Variants in HOMER2 observed in about 807,000 individuals in gnomAD.
The protein encoded by HOMER2 is homer scaffold protein 2.
In HOMER2, 27 loss-of-function variants were observed where a neutral mutation model predicts 47.0. The observed-to-expected ratio is 0.57, with a 90% CI of 0.42 to 0.79. The LOEUF (loss-of-function observed/expected upper bound fraction) is 0.79, where lower values mean the gene tolerates loss of function less well. Ranked by LOEUF, HOMER2 falls within the 30% of genes least tolerant of loss-of-function variation. The probability of loss-of-function intolerance (pLI) is 0.00; values close to 1 mark genes in which losing one functional copy is unlikely to be tolerated. For synonymous variants in HOMER2, 161 were observed against 163.8 expected, an observed-to-expected ratio of 0.98 and a Z score of 0.13; for missense variants, 443 against 435.0, an observed-to-expected ratio of 1.02 and a Z score of -0.16.
At chr15:82,875,842 CTA>C (rs2052332521) in intron 2 of HOMER2, among the ~76,000 whole-genome samples, 1 of 152,216 alleles carries the variant, frequency 6.6e-6, no homozygotes, top group Non-Finnish European at 1.5e-5. Flanking sequence ...TTGAAAATCT[CTA>C]TAAGCAATTG....
intron 1 of HOMER2, among the ~76,000 whole-genome samples, chr15:82,898,806 C>G (rs1266771048): frequency 6.6e-6 from 1 of 152,210 alleles, no homozygotes; most frequent in Non-Finnish European, 1.5e-5. Context: ...ACTTATAATT[C>G]TTCACTTGCA....
chr15:82,963,144 G>T (rs897155521), intron 1 of HOMER2, among the ~76,000 whole-genome samples: 1 of 152,138 alleles, frequency 6.6e-6, no homozygotes, highest in Non-Finnish European at 1.5e-5. Context: ...GCGTGTAGTG[G>T]TGCAATCATA....
chr15:82,867,246 T>TG (rs2052000898), intron 3 of HOMER2, among the ~76,000 whole-genome samples: 1 of 151,960 alleles, frequency 6.6e-6, no homozygotes, highest in African/African-American at 2.4e-5. Context: ...GAACTGAGCA[T>TG]GTATCAAGCT....
rs907336725 is a variant in HOMER2 at position 82,952,717 on chromosome 15, G to A, written c.-182C>T. On this transcript the variant is annotated 5_prime_UTR_variant, in exon 1 of 9. Transcript: ENST00000450735. ...CTGCCACTGCCGCCACCGCCGCCAG[G>A]CGCGGGCGGGCGGGGGCTGGGCGGC... 1 of 981,468 alleles carries A rather than the reference G, an allele frequency of 1.0e-6. No individual in the cohort carries two copies. Among genetic ancestry groups the A allele is most frequent in the Non-Finnish European group, 1.2e-6 (1 of 828,502 alleles). 60.8% of individuals were successfully genotyped at this position (981,468 alleles called of 1,614,324 possible). A position where few individuals can be genotyped will look rare whatever the true frequency, so the allele number is the denominator to read the frequency against.
upstream of HOMER2, chr15:82,952,778 C>G: frequency 2.3e-6 from 2 of 883,712 alleles, no homozygotes; most frequent in Non-Finnish European, 2.7e-6. Context: ...CCTCCCCAGC[C>G]GCTACCCCCG....
intron 1 of HOMER2, among the ~76,000 whole-genome samples, chr15:82,945,732 A>G (rs1309365210): frequency 6.6e-6 from 1 of 152,138 alleles, no homozygotes; most frequent in Non-Finnish European, 1.5e-5. Flanking sequence ...ACATTTTGGG[A>G]GGCCAAGGCG....
chr15:82,879,451 C>T (rs189834967), intron 2 of HOMER2, among the ~76,000 whole-genome samples: 3 of 152,086 alleles, frequency 2.0e-5, no homozygotes, highest in African/African-American at 4.8e-5. Context: ...GAGCCGTGAT[C>T]GTGCCACTGT....
rs560785069 is a variant in HOMER2 at position 82,930,926 on chromosome 15, C to A, written c.5+21605G>T. 3.3e-4 allele frequency among the ~76,000 whole-genome samples: 50 copies of A among 152,006 alleles called. No individual in the cohort carries two copies. In the East Asian group the frequency reaches 8.5e-3, roughly 26 times the overall value. ...CTGTAATCCCAGCTACTTGGGGGGG[C>A]TGAGGCAGGAGACTCACTTGAACCC... On this transcript the variant is annotated intron_variant, in intron 1 of 8. Transcript: ENST00000450735.
At chr15:82,876,947 C>G (rs2052368677) in intron 2 of HOMER2, among the ~76,000 whole-genome samples, 2 of 152,218 alleles carry the variant, frequency 1.3e-5, no homozygotes, top group Admixed American at 6.5e-5. Flanking sequence ...ATTTATCTAT[C>G]TATCAGACTA....
intron 1 of HOMER2, among the ~76,000 whole-genome samples, chr15:82,976,016 T>G (rs1238614248): frequency 6.6e-6 from 1 of 152,100 alleles, no homozygotes; most frequent in Admixed American, 6.6e-5. Flanking sequence ...TTAAAAAAAT[T>G]TTAAATAAAA....
rs374958645 is a variant in HOMER2 at position 82,933,999 on chromosome 15, T to C, written c.5+18532A>G. On this transcript the variant is annotated intron_variant, in intron 1 of 8. Transcript: ENST00000450735. ...ATCTGAGCCGGTCCTTCCCGCTCCC[T>C]ATCCTCCCACACTCACAGGAAATCC... Among the ~76,000 whole-genome samples, 17 of 152,186 alleles carry C rather than the reference T, an allele frequency of 1.1e-4. No individual in the cohort carries two copies. In the East Asian group the frequency reaches 1.9e-3, roughly 17 times the overall value.
At chr15:82,915,981 A>G (rs950076605) in intron 1 of HOMER2, among the ~76,000 whole-genome samples, 9 of 152,204 alleles carry the variant, frequency 5.9e-5, no homozygotes, top group Non-Finnish European at 1.3e-4. Flanking sequence ...TTCTTTATGT[A>G]TTCTGATTGA....
At chr15:82,859,978 T>C (rs1189700943) in intron 4 of HOMER2, among the ~76,000 whole-genome samples, 3 of 152,240 alleles carry the variant, frequency 2.0e-5, no homozygotes, top group African/African-American at 7.2e-5. Flanking sequence ...CCGGGCGCGG[T>C]GGCTCACACC....
chr15:82,867,486 G>GA (rs1254159730), intron 3 of HOMER2, among the ~76,000 whole-genome samples: 2 of 151,874 alleles, frequency 1.3e-5, no homozygotes, highest in African/African-American at 4.8e-5. Context: ...TGTACAAACT[G>GA]AAAAGTATGA....
At chr15:82,862,526 C>T (rs1429331833) in intron 4 of HOMER2, among the ~76,000 whole-genome samples, 1 of 152,094 alleles carries the variant, frequency 6.6e-6, no homozygotes, top group Non-Finnish European at 1.5e-5. Flanking sequence ...TTAAATATAT[C>T]ACTGTACTAT....
chr15:82,834,837 A>G (rs888319726), downstream of HOMER2: 5 of 152,228 alleles, frequency 3.3e-5, no homozygotes, highest in African/African-American at 1.2e-4. Context: ...AATTTTAGCT[A>G]AACATTTGTT....
At chr15:82,911,765 T>A (rs1293155856) in intron 1 of HOMER2, among the ~76,000 whole-genome samples, 4 of 152,194 alleles carry the variant, frequency 2.6e-5, no homozygotes, top group African/African-American at 9.7e-5. Flanking sequence ...GTGAGGTGGT[T>A]CACACCTGTA....
intron 3 of HOMER2, among the ~76,000 whole-genome samples, chr15:82,874,472 C>A (rs1567027110): frequency 6.6e-6 from 1 of 152,192 alleles, no homozygotes; most frequent in Non-Finnish European, 1.5e-5. Flanking sequence ...CTGAGTAAGG[C>A]CTCTCAGAGG....
At chr15:82,915,128 CAATTTTTTTT>C in intron 1 of HOMER2, among the ~76,000 whole-genome samples, 1 of 142,508 alleles carries the variant, frequency 7.0e-6, no homozygotes, top group South Asian at 2.3e-4. Context: ...AAAATTTTTT[CAATTTTTTTT>C]AATTGAAAAA....
Sources: allele counts gnomAD v4.1 joint callset (sites outside exome capture counted in the v4.1 genomes callset), GRCh38; gene constraint gnomAD v4.1.1; transcripts MANE v1.5; gene names NCBI Gene and HGNC (gene_info 2026-07-23, HGNC 2026-07-21).